Variants in REDIC1 observed in about 807,000 individuals in gnomAD.
REDIC1 encodes HEI10 Interacting Protein 1.
chr12:39,895,167 C>A, the REDIC1 span, among the ~76,000 whole-genome samples: 1 of 152,052 alleles, frequency 6.6e-6, no homozygotes, highest in Non-Finnish European at 1.5e-5. Flanking sequence ...CTGTGCCCAG[C>A]CAGAACCCTG....
chr12:39,671,939 A>G, the REDIC1 span, among the ~76,000 whole-genome samples: 3 of 151,848 alleles, frequency 2.0e-5, no homozygotes, highest in African/African-American at 7.3e-5. Flanking sequence ...TGATCCCCAG[A>G]CCCCCAGGAG....
the REDIC1 span, among the ~76,000 whole-genome samples, chr12:39,895,040 AC>A: frequency 2.5e-4 from 38 of 152,176 alleles, no homozygotes; most frequent in African/African-American, 8.9e-4. Flanking sequence ...CGGCAGTGGA[AC>A]TTTTTGTTTT....
At chr12:39,646,509 T>G in the REDIC1 span, 1 of 1,486,206 alleles carries the variant, frequency 6.7e-7, no homozygotes, top group South Asian at 1.3e-5. Flanking sequence ...AACTGGTTAT[T>G]AACAACACTT....
the REDIC1 span, among the ~76,000 whole-genome samples, chr12:39,733,911 C>G: frequency 2.0e-5 from 3 of 152,130 alleles, no homozygotes; most frequent in Admixed American, 2.0e-4. Context: ...GGGGAATGAA[C>G]AGTTCTGTCT....
the REDIC1 span, among the ~76,000 whole-genome samples, chr12:39,704,501 G>A: frequency 6.6e-6 from 1 of 152,212 alleles, no homozygotes; most frequent in Non-Finnish European, 1.5e-5. Context: ...AACCATTGTA[G>A]AAGGCAGTGT....
the REDIC1 span, chr12:39,756,696 G>C: frequency 6.6e-6 from 1 of 151,540 alleles, no homozygotes; most frequent in African/African-American, 2.4e-5. Context: ...AAAGCAAAAG[G>C]GTAAGTTGTC....
the REDIC1 span, among the ~76,000 whole-genome samples, chr12:39,772,345 T>C: frequency 1.3e-5 from 2 of 152,086 alleles, no homozygotes; most frequent in Admixed American, 6.5e-5. Context: ...TTAAACAAGG[T>C]GATAACTGCT....
the REDIC1 span, among the ~76,000 whole-genome samples, chr12:39,734,976 ATC>A: frequency 6.6e-6 from 1 of 152,228 alleles, no homozygotes; most frequent in Non-Finnish European, 1.5e-5. Context: ...AATATGCTGT[ATC>A]TCTTTATTTA....
At chr12:39,779,097 A>C in the REDIC1 span, among the ~76,000 whole-genome samples, 2 of 152,158 alleles carry the variant, frequency 1.3e-5, no homozygotes, top group African/African-American at 4.8e-5. Context: ...AAGGGCTGGC[A>C]TAAGTTGGAT....
At chr12:39,802,541 G>A in the REDIC1 span, among the ~76,000 whole-genome samples, 4 of 152,140 alleles carry the variant, frequency 2.6e-5, no homozygotes, top group African/African-American at 9.7e-5. Context: ...ATTAAAAGGT[G>A]TACAAGCAGA....
chr12:39,686,572 G>A, the REDIC1 span, among the ~76,000 whole-genome samples: 1 of 151,820 alleles, frequency 6.6e-6, no homozygotes. Flanking sequence ...TAGGCCTTCA[G>A]GCATGTGATA....
chr12:39,872,446 T>C, the REDIC1 span, among the ~76,000 whole-genome samples: 13 of 151,928 alleles, frequency 8.6e-5, no homozygotes, highest in Non-Finnish European at 1.9e-4. Flanking sequence ...AAAGACACAA[T>C]GAGTAAGACA....
At chr12:39,841,258 T>C in the REDIC1 span, among the ~76,000 whole-genome samples, 1 of 152,078 alleles carries the variant, frequency 6.6e-6, no homozygotes, top group African/African-American at 2.4e-5. Flanking sequence ...GCCAGAATGG[T>C]TTTTCTTTGC....
the REDIC1 span, chr12:39,871,798 C>A: frequency 6.3e-7 from 1 of 1,596,524 alleles, no homozygotes; most frequent in Non-Finnish European, 8.5e-7. Flanking sequence ...AGCCACCTAC[C>A]TGCTAAACTA....
chr12:39,717,693 C>A, the REDIC1 span, among the ~76,000 whole-genome samples: 2 of 152,046 alleles, frequency 1.3e-5, no homozygotes, highest in Non-Finnish European at 2.9e-5. Context: ...GGTACCAATT[C>A]TTCTTCTACT....
the REDIC1 span, among the ~76,000 whole-genome samples, chr12:39,779,058 C>G: frequency 6.6e-6 from 1 of 152,168 alleles, no homozygotes; most frequent in Non-Finnish European, 1.5e-5. Flanking sequence ...CACTTTCCCC[C>G]AGGAAGAGTC....
At chr12:39,676,713 C>T in the REDIC1 span, among the ~76,000 whole-genome samples, 35 of 152,096 alleles carry the variant, frequency 2.3e-4, no homozygotes, top group Non-Finnish European at 4.6e-4. Flanking sequence ...GCAAAAGCAT[C>T]AGGTAACCTA....
chr12:39,701,909 A>G, the REDIC1 span, among the ~76,000 whole-genome samples: 2 of 152,224 alleles, frequency 1.3e-5, no homozygotes, highest in African/African-American at 2.4e-5. Flanking sequence ...AAGACACAAC[A>G]TACCAGAATC....
At chr12:39,767,146 A>G in the REDIC1 span, among the ~76,000 whole-genome samples, 1 of 152,062 alleles carries the variant, frequency 6.6e-6, no homozygotes, top group African/African-American at 2.4e-5. Flanking sequence ...TTTTTAAATA[A>G]TAAGACTTGA....
Sources: gnomAD v4.1 joint callset for allele counts (sites outside exome capture counted in the v4.1 genomes callset) on GRCh38, gnomAD v4.1.1 for gene constraint, MANE v1.5 for transcripts, NCBI Gene and HGNC (gene_info 2026-07-23, HGNC 2026-07-21) for gene names.